The following TEAD4 variants were observed in gnomAD, a reference collection of about 807,000 sequenced individuals.
TEAD4 encodes TEA domain transcription factor 4.
Under a neutral mutation model 52.4 loss-of-function variants are expected in TEAD4, and 36 were observed. The ratio of observed to expected loss-of-function variants is 0.69; its 90% CI spans 0.53 to 0.91. The LOEUF is 0.91. Among genes scored for constraint, TEAD4 ranks in the 40% least tolerant of loss-of-function variants. The pLI is 0.00. For synonymous variants in TEAD4, 220 were observed against 231.0 expected (o/e 0.95, Z 0.43); for missense variants, 508 against 583.9 (o/e 0.87, Z 1.34).
intron 10 of TEAD4, among the ~76,000 whole-genome samples, chr12:3,035,963 A>G (rs1225253891): frequency 6.6e-6 from 1 of 151,992 alleles, no homozygotes. Flanking sequence ...GGCCTCAGCC[A>G]CCTCTGCCAT....
chr12:2,980,356 C>G (rs11835970), intron 2 of TEAD4, among the ~76,000 whole-genome samples: 508 of 152,272 alleles, frequency 3.3e-3, no homozygotes, highest in African/African-American at 0.011. Flanking sequence ...TCCAGGCTAC[C>G]CCTCCCTCCA....
chr12:2,992,506 C>G (rs1261290945), intron 2 of TEAD4, among the ~76,000 whole-genome samples: 1 of 152,102 alleles, frequency 6.6e-6, no homozygotes, highest in Non-Finnish European at 1.5e-5. Flanking sequence ...TTCTCACAGG[C>G]CATGGGTGGG....
rs537007318 is a variant in TEAD4, at chr12:3,036,050, T to C, written c.898-1918T>C. Reference sequence around the variant, plus strand: ...ACAGATGGAGACAGAGTGGGGAGACTGAGGCCAGCTCAGGGGTGGTAGTGG... The same window carrying C: ...ACAGATGGAGACAGAGTGGGGAGACCGAGGCCAGCTCAGGGGTGGTAGTGG... On this transcript the variant is annotated intron_variant, in intron 10 of 12. Transcript: ENST00000359864. Among the ~76,000 whole-genome samples, 17 of 152,228 alleles carry C rather than the reference T, an allele frequency of 1.1e-4. No homozygotes were observed. The East Asian group carries it at 3.1e-3, about 28-fold the overall frequency.
At chr12:3,005,033 A>C (rs541001024) in intron 3 of TEAD4, among the ~76,000 whole-genome samples, 2 of 152,360 alleles carry the variant, frequency 1.3e-5, no homozygotes, top group East Asian at 3.9e-4. Flanking sequence ...AGGAGGAGGA[A>C]GCTCCACAGA....
chr12:2,965,464 T>G (rs1422368681), intron 2 of TEAD4, among the ~76,000 whole-genome samples: 1 of 152,084 alleles, frequency 6.6e-6, no homozygotes, highest in Admixed American at 6.6e-5. Context: ...CCTGCCAATT[T>G]AAAATTTTCT....
At position 3,040,614 on chromosome 12, in the gene TEAD4, CTG is replaced by C. The variant is rs1269554967; in HGVS notation, c.*139_*140del. ...AGTTGTGACTCTACCCAGGAACAAA[CTG>C]TGCCTGAACCTGAGGTGCCCAACCC... is the stretch of plus-strand genomic sequence containing the variant. On this transcript the variant is annotated 3_prime_UTR_variant, in exon 13 of 13. Transcript: ENST00000359864. The C allele has an allele frequency of 3.9e-6, 3 of 761,550 alleles. No homozygotes were observed. The highest frequency in any genetic ancestry group is 1.7e-5 in the South Asian group (1 of 58,288). 47.2% of individuals were successfully genotyped at this position (761,550 alleles called of 1,614,324 possible). A position where few individuals can be genotyped will look rare whatever the true frequency, so the allele number is the denominator to read the frequency against.
chr12:2,996,487 G>A (rs369946996), intron 3 of TEAD4, among the ~76,000 whole-genome samples: 2 of 150,006 alleles, frequency 1.3e-5, no homozygotes, highest in Admixed American at 6.7e-5. Flanking sequence ...TCAGCTCAAC[G>A]CTACCTCTGC....
At chr12:3,019,335 C>A (rs2153957303) in intron 8 of TEAD4, among the ~76,000 whole-genome samples, 165 bp downstream of exon 8, 1 of 152,344 alleles carries the variant, frequency 6.6e-6, no homozygotes, top group South Asian at 2.1e-4. Context: ...TCCTTTCCCC[C>A]AGCATGCACA....
chr12:2,995,373 A>G (rs1026985412), intron 3 of TEAD4, among the ~76,000 whole-genome samples: 3 of 152,256 alleles, frequency 2.0e-5, no homozygotes, highest in Admixed American at 2.0e-4. Context: ...TCCCTCACTC[A>G]TTCATGCAAC....
At position 2,974,283 on chromosome 12, in the gene TEAD4, G is replaced by A. The variant is rs555940633; in HGVS notation, c.-30+14243G>A. ...CTCCCAAAGTGCTGGGATTACAGGC[G>A]TAAGCCACCGTGCCCGGCCAGCTTT... On this transcript the variant is annotated intron_variant, in intron 2 of 12. Coordinates refer to ENST00000359864, the MANE Select transcript of TEAD4 (RefSeq NM_003213.4). 5.9e-5 allele frequency among the ~76,000 whole-genome samples: 9 copies of A among 152,294 alleles called. 1 individual carries two copies. Among genetic ancestry groups the A allele is most frequent in the Admixed American group, 5.2e-4 (8 of 15,288 alleles).
chr12:3,008,455 G>A (rs1052095721), intron 3 of TEAD4, among the ~76,000 whole-genome samples: 5 of 152,204 alleles, frequency 3.3e-5, no homozygotes, highest in Admixed American at 6.5e-5. Context: ...GCCGTTGTAA[G>A]GACTTGGACA....
At chr12:2,962,315 A>T (rs113309092) in intron 2 of TEAD4, among the ~76,000 whole-genome samples, 3 of 119,062 alleles carry the variant, frequency 2.5e-5, no homozygotes, top group Non-Finnish European at 3.3e-5. Context: ...TAAATATATA[A>T]ATATATATAT....
chr12:3,023,194 G>A (rs764324532), intron 10 of TEAD4, among the ~76,000 whole-genome samples: 3 of 152,128 alleles, frequency 2.0e-5, no homozygotes, highest in Non-Finnish European at 2.9e-5. Flanking sequence ...CTGGCCTGAG[G>A]GATGGGCACA....
intron 8 of TEAD4, among the ~76,000 whole-genome samples, chr12:3,019,419 G>T (rs956942898): frequency 2.6e-5 from 4 of 152,238 alleles, no homozygotes; most frequent in Non-Finnish European, 5.9e-5. Flanking sequence ...TGTGCTCAGG[G>T]CTTGTGGGGC....
chr12:2,963,157 C>T (rs1014219833), intron 2 of TEAD4, among the ~76,000 whole-genome samples: 2 of 152,202 alleles, frequency 1.3e-5, no homozygotes, highest in Non-Finnish European at 2.9e-5. Context: ...GATGAGCCGG[C>T]AGGTGAAGGT....
intron 10 of TEAD4, among the ~76,000 whole-genome samples, chr12:3,030,623 G>T (rs1243604761): frequency 6.6e-6 from 1 of 152,146 alleles, no homozygotes; most frequent in African/African-American, 2.4e-5. Flanking sequence ...TTGTGGTGCT[G>T]CATATTGTTT....
rs138253478 is a variant in TEAD4, at chr12:3,039,455, C to G, written c.1039-652C>G. Among the ~76,000 whole-genome samples the G allele has an allele frequency of 3.4e-3, 512 of 152,220 alleles. 4 individuals are homozygous for G. Among genetic ancestry groups the G allele is most frequent in the African/African-American group, 0.012 (501 of 41,538 alleles). On this transcript the variant is annotated intron_variant, in intron 11 of 12. Coordinates refer to ENST00000359864, the MANE Select transcript of TEAD4 (RefSeq NM_003213.4). Reference sequence around the variant, plus strand: ...TCAGATTTCACCAGTTTTATCGGCACTCCTATGTGCGCTTGCATGCGTGTG... The same window carrying G: ...TCAGATTTCACCAGTTTTATCGGCAGTCCTATGTGCGCTTGCATGCGTGTG...
At chr12:3,000,452 C>T (rs2098250748) in intron 3 of TEAD4, among the ~76,000 whole-genome samples, 1 of 152,116 alleles carries the variant, frequency 6.6e-6, no homozygotes, top group African/African-American at 2.4e-5. Context: ...GCCGAGTGTG[C>T]TTGTTCAGGC....
intron 2 of TEAD4, among the ~76,000 whole-genome samples, chr12:2,969,288 TATG>T (rs1346120862): frequency 1.3e-5 from 2 of 152,196 alleles, no homozygotes; most frequent in African/African-American, 4.8e-5. Flanking sequence ...TTGTGTTAGG[TATG>T]ATAAGTTCTC....
Sources: gnomAD v4.1 joint callset for allele counts (sites outside exome capture counted in the v4.1 genomes callset) on GRCh38, gnomAD v4.1.1 for gene constraint, MANE v1.5 for transcripts, NCBI Gene and HGNC (gene_info 2026-07-23, HGNC 2026-07-21) for gene names.